Variants in A1BG observed in about 807,000 individuals in gnomAD.
A1BG encodes alpha-1B-glycoprotein.
A neutral mutation model predicts 46.0 loss-of-function variants in A1BG; 44 were observed. The observed-to-expected ratio is 0.96, with a 90% CI of 0.75 to 1.23. A1BG has a LOEUF of 1.23. Among genes scored for constraint, A1BG ranks in the 50% most tolerant of loss-of-function variants. The pLI is 0.00. For synonymous variants in A1BG, 316 were observed against 314.7 expected, an observed-to-expected ratio of 1.00 and a Z score of -0.04; for missense variants, 707 against 688.8, an observed-to-expected ratio of 1.03 and a Z score of -0.30.
rs1024052581 is a variant in A1BG at position 58,346,061 on chromosome 19, G to A, written c.*961C>T. 2 of 152,308 alleles carry A rather than the reference G, an allele frequency of 1.3e-5. No individual in the cohort carries two copies. The allele number at this position is 152,308 out of a possible 1,614,324, so 9.4% of individuals were successfully genotyped here. A position where few individuals can be genotyped will look rare whatever the true frequency, so the allele number is the denominator to read the frequency against. ...ACAGCGTCCAGCTCTGCTGTGGGAG[G>A]CTGGGAACAGCCCAGCACTACCACC... is the stretch of plus-strand genomic sequence containing the variant. On this transcript the variant is annotated 3_prime_UTR_variant, in exon 8 of 8. Coordinates refer to ENST00000263100, the MANE Select transcript of A1BG (RefSeq NM_130786.4).
rs762766449 is a variant in A1BG, at chr19:58,353,171, C to A, written c.97G>T (p.Ala33Ser). The A allele has an allele frequency of 6.2e-7, 1 of 1,613,890 alleles. No homozygotes were observed. The highest frequency in any genetic ancestry group is 1.3e-5 in the African/African-American group (1 of 74,942). The change falls in exon 3 of 8, where the codon GCA becomes TCA. Residue 33 changes from alanine (A) to serine (S), a missense_variant. Coordinates refer to ENST00000263100, the MANE Select transcript of A1BG (RefSeq NM_130786.4). ...GGTTTCAGCAGTGATTCGGACTCTG[C>A]CCACAGGCTGGGCTGCGTCTCATAA... ...IFYETQPSLW[A>S]ESESLLKPLA...
At chr19:58,349,817 G>A (rs2051941541) in intron 6 of A1BG, 1 of 152,082 alleles carries the variant, frequency 6.6e-6, no homozygotes, top group African/African-American at 2.4e-5. Context: ...AGGAAGGCAG[G>A]AAAGAAAAGA....
chr19:58,347,288 G>A, intron 7 of A1BG, 65 bp downstream of exon 7: 1 of 1,599,042 alleles, frequency 6.3e-7, no homozygotes, highest in Non-Finnish European at 8.5e-7. Context: ...CCCTCCTGGA[G>A]GTGGGCACAG....
At chr19:58,347,693 A>AGGCCGCGCCCAGGCCACGCCCCG in intron 6 of A1BG, 53 bp from the exon 7 acceptor site, 1 of 868,406 alleles carries the variant, frequency 1.2e-6, no homozygotes, top group Non-Finnish European at 1.6e-6. Flanking sequence ...GCCACGCCCC[A>AGGCCGCGCCCAGGCCACGCCCCG]GGCCACACCC....
At chr19:58,347,893 G>C (rs977838466) in intron 6 of A1BG, 1 of 313,786 alleles carries the variant, frequency 3.2e-6, no homozygotes, top group Non-Finnish European at 5.9e-6. Flanking sequence ...TCCCAGATTC[G>C]GGCCTGCTCT....
In A1BG at chr19:58,352,908, C is replaced by G; in HGVS notation, c.340+20G>C. ...AACCTACCCACTGCCTCCTGGCCCC[C>G]AATTCATGCCCCGGCTCACTTGGCC... On this transcript the variant is annotated intron_variant, in intron 3 of 7. Transcript: ENST00000263100. 6.2e-7 allele frequency: 1 copy of G among 1,601,516 alleles called. No individual in the cohort carries two copies.
Position 58,347,042 on chromosome 19 carries a change from A to C in A1BG, c.1481-13T>G. 6.2e-7 allele frequency: 1 copy of C among 1,613,972 alleles called. No homozygotes were observed. The highest frequency in any genetic ancestry group is 2.2e-5 in the East Asian group (1 of 44,864). On this transcript the variant is annotated splice_polypyrimidine_tract_variant and intron_variant, in intron 7 of 7. Coordinates refer to ENST00000263100, the MANE Select transcript of A1BG (RefSeq NM_130786.4). The stretch of plus-strand genomic sequence containing the variant: ...CTGCATCAGCTTTCTAGACAACGGG[A>C]GAAAAGAGAAATGGTGGAGGAGGGG...
intron 4 of A1BG, 111 bp downstream of exon 4, chr19:58,352,172 C>G (rs1347189054): frequency 6.6e-7 from 1 of 1,525,920 alleles, no homozygotes; most frequent in East Asian, 2.3e-5. Flanking sequence ...TGGCCAGCTT[C>G]CTGGACCTGG....
At chr19:58,350,853 A>C in intron 5 of A1BG, 1 of 487,882 alleles carries the variant, frequency 2.0e-6, no homozygotes. Flanking sequence ...ACTGTTTCTT[A>C]GTAATTTGTT....
rs747489806 is a variant in A1BG at position 58,353,045 on chromosome 19, G to C, written c.223C>G (p.Pro75Ala). Reference protein sequence around the residue: ...VAQEPVHLDSPAIKHQFLLTG... With the variant: ...VAQEPVHLDSAAIKHQFLLTG... The stretch of plus-strand genomic sequence containing the variant: ...AGCAGGAACTGGTGCTTGATGGCAG[G>C]TGAGTCAAGGTGCACAGGCTCCTGG... Residue 75 changes from proline (P) to alanine (A), a missense_variant, in exon 3 of 8, where the codon CCT (proline) becomes GCT (alanine). Physicochemically the swap from Pro to Ala is conservative, Grantham distance 27. Coordinates refer to ENST00000263100, the MANE Select transcript of A1BG (RefSeq NM_130786.4). 36 of 1,614,048 alleles carry C rather than the reference G, an allele frequency of 2.2e-5. No homozygotes were observed. The highest frequency in any genetic ancestry group is 3.1e-5 in the Non-Finnish European group (36 of 1,180,026).
chr19:58,347,607 C>A lies in A1BG; in HGVS notation c.1226G>T (p.Trp409Leu). 6.7e-7 allele frequency: 1 copy of A among 1,488,286 alleles called. No homozygotes were observed. The highest frequency in any genetic ancestry group is 1.3e-5 in the South Asian group (1 of 77,494). 92.2% of individuals were successfully genotyped at this position (1,488,286 alleles called of 1,614,324 possible). A position where few individuals can be genotyped will look rare whatever the true frequency, so the allele number is the denominator to read the frequency against. Residue 409 changes from tryptophan (W) to leucine (L), a missense_variant, in exon 7 of 8, where the codon TGG (tryptophan) becomes TTG (leucine). Coordinates refer to ENST00000263100, the MANE Select transcript of A1BG (RefSeq NM_130786.4). ...TCGGCCCGCCAGGACCGCCCCACTC[C>A]ACGTCGCCCGGAGCTGAGGCCTGGG... ...PPPRPQLRAT[W>L]SGAVLAGRDA...
At chr19:58,351,314 C>A in intron 5 of A1BG, 77 bp downstream of exon 5, 1 of 1,554,788 alleles carries the variant, frequency 6.4e-7, no homozygotes, top group Admixed American at 1.7e-5. Flanking sequence ...ACTGCACTTC[C>A]CCAGACTCTA....
rs202021429 is a variant in A1BG at position 58,353,342 on chromosome 19, C to A, written c.35-15G>T. On this transcript the variant is annotated splice_polypyrimidine_tract_variant and intron_variant, in intron 1 of 7. Transcript: ENST00000263100. The stretch of plus-strand genomic sequence containing the variant: ...CCAGGTGACACCTGCGGAGACAGCC[C>A]CCGTAAGGCTCCTGTTCCCGCCCCC... 1.6e-3 allele frequency: 2,656 copies of A among 1,610,684 alleles called. 5 individuals are homozygous for A. Among genetic ancestry groups the A allele is most frequent in the Admixed American group, 2.2e-3 (129 of 59,476 alleles).
chr19:58,347,031 T>C lies in A1BG; in HGVS notation c.1481-2A>G, dbSNP rs753760765. 1.2e-6 allele frequency: 2 copies of C among 1,613,962 alleles called. No homozygotes were observed. Among genetic ancestry groups the C allele is most frequent in the African/African-American group, 1.3e-5 (1 of 74,908 alleles). ...TGGGCCCGCGGCTGCATCAGCTTTC[T>C]AGACAACGGGAGAAAAGAGAAATGG... On this transcript the variant is annotated splice_acceptor_variant, in intron 7 of 7. Coordinates refer to ENST00000263100, the MANE Select transcript of A1BG (RefSeq NM_130786.4). LOFTEE classifies it high-confidence loss of function.
chr19:58,348,170 G>A (rs1212743378), intron 6 of A1BG, among the ~76,000 whole-genome samples: 1 of 152,142 alleles, frequency 6.6e-6, no homozygotes, highest in Non-Finnish European at 1.5e-5. Context: ...TGGGTAACAC[G>A]GTGAAACCCC....
Position 58,352,908 on chromosome 19 carries a change from C to T in A1BG, c.340+20G>A. 1 of 1,601,516 alleles carries T rather than the reference C, an allele frequency of 6.2e-7. No individual in the cohort carries two copies. The highest frequency in any genetic ancestry group is 8.5e-7 in the Non-Finnish European group (1 of 1,174,344). On this transcript the variant is annotated intron_variant, in intron 3 of 7. Coordinates refer to ENST00000263100, the MANE Select transcript of A1BG (RefSeq NM_130786.4). ...AACCTACCCACTGCCTCCTGGCCCC[C>T]AATTCATGCCCCGGCTCACTTGGCC... is the stretch of plus-strand genomic sequence containing the variant.
At chr19:58,352,696 G>C in intron 3 of A1BG, 141 bp from the exon 4 acceptor site, 1 of 1,237,550 alleles carries the variant, frequency 8.1e-7, no homozygotes, top group East Asian at 2.3e-5. Context: ...GCAGGCACCA[G>C]TGGAAACAAG....
chr19:58,346,206 G>C lies in A1BG; in HGVS notation c.*816C>G, dbSNP rs1164739986. 1 of 152,722 alleles carries C rather than the reference G, an allele frequency of 6.5e-6. No homozygotes were observed. Among genetic ancestry groups the C allele is most frequent in the Non-Finnish European group, 1.5e-5 (1 of 68,516 alleles). 9.5% of individuals were successfully genotyped at this position (152,722 alleles called of 1,614,324 possible). On this transcript the variant is annotated 3_prime_UTR_variant, in exon 8 of 8. Coordinates refer to ENST00000263100, the MANE Select transcript of A1BG (RefSeq NM_130786.4). ...GAGCCTCAAGCAACTGCCCATACCT[G>C]CTGGGACCAGGCCGAGGTGCCCAGG...
intron 6 of A1BG, chr19:58,348,666 T>G (rs1479719797): frequency 6.6e-6 from 1 of 152,252 alleles, no homozygotes. Flanking sequence ...GAAAGCTTGA[T>G]TGGATTAACA....
Sources: allele counts gnomAD v4.1 joint callset (sites outside exome capture counted in the v4.1 genomes callset), GRCh38; gene constraint gnomAD v4.1.1; transcripts MANE v1.5; gene names NCBI Gene and HGNC (gene_info 2026-07-23, HGNC 2026-07-21).